TRIM66: variants seen among roughly 807,000 people sequenced by gnomAD.
TRIM66 encodes the protein tripartite motif containing 66, also known as tripartite motif-containing protein 66.
A neutral mutation model predicts 148.2 loss-of-function variants in TRIM66; 99 were observed. That is an observed-to-expected ratio of 0.67 (90% confidence interval 0.57 to 0.79). The LOEUF is 0.79. TRIM66 is among the 30% of genes least tolerant of loss of function. TRIM66 has a pLI of 0.00. For missense variants in TRIM66, 1,666 were observed against 1,697.9 expected, an observed-to-expected ratio of 0.98 and a Z score of 0.33; for synonymous variants, 616 against 635.9, an observed-to-expected ratio of 0.97 and a Z score of 0.47.
intron 15 of TRIM66, among the ~76,000 whole-genome samples, chr11:8,628,402 C>T (rs985025465): frequency 1.3e-5 from 2 of 151,726 alleles, no homozygotes; most frequent in Non-Finnish European, 2.9e-5. Context: ...CGCTTGAGCC[C>T]AAGAGTTCAA....
Position 8,621,166 on chromosome 11 carries a change from C to T in TRIM66, c.3411G>A (p.Lys1137=). Residue 1137 remains lysine (K), a synonymous_variant, in exon 20 of 25, where the codon AAG becomes AAA. Transcript: ENST00000646038. The stretch of plus-strand genomic sequence containing the variant: ...CATTCTCTATTGGGGCTGGGGGGCC[C>T]TTCTTGGCTCCTGGGGTTCGAGGAA... The part of the protein sequence containing the change: ...RLIPRTPGAK[K]GPPAPIENED... The T allele has an allele frequency of 6.4e-7, 1 of 1,551,672 alleles. No individual in the cohort carries two copies. Among genetic ancestry groups the T allele is most frequent in the African/African-American group, 1.4e-5 (1 of 73,156 alleles).
intron 6 of TRIM66, among the ~76,000 whole-genome samples, chr11:8,667,758 G>C (rs1404468189): frequency 1.3e-5 from 2 of 152,142 alleles, no homozygotes; most frequent in Admixed American, 1.3e-4. Flanking sequence ...TCCTTATTAA[G>C]GCTGAATAAT....
intron 1 of TRIM66, among the ~76,000 whole-genome samples, chr11:8,681,580 A>AT (rs2039427736): frequency 6.6e-6 from 1 of 152,176 alleles, no homozygotes; most frequent in Non-Finnish European, 1.5e-5. Context: ...CATGGGATCT[A>AT]TTAATAGACT....
chr11:8,658,700 C>A (rs994971338), intron 6 of TRIM66: 1 of 907,394 alleles, frequency 1.1e-6, no homozygotes, highest in African/African-American at 1.8e-5. Flanking sequence ...CAGCCCCACA[C>A]TGCTGCAGCA....
chr11:8,633,336 T>G (rs1037846016), intron 15 of TRIM66, among the ~76,000 whole-genome samples: 5 of 151,938 alleles, frequency 3.3e-5, no homozygotes, highest in African/African-American at 4.8e-5. Context: ...AAAAAAAAAT[T>G]ATTTTGAATA....
chr11:8,682,833 T>C (rs1260727399), upstream of TRIM66: 2 of 1,610,790 alleles, frequency 1.2e-6, no homozygotes, highest in Admixed American at 1.7e-5. Flanking sequence ...GTTTCGTTTC[T>C]TGCCTCCTCT....
intron 23 of TRIM66, 71 bp downstream of exon 23, chr11:8,619,312 C>G: frequency 7.2e-7 from 1 of 1,380,046 alleles, no homozygotes; most frequent in Non-Finnish European, 9.6e-7. Context: ...CCTAACCTCC[C>G]AACCCTACCC....
At chr11:8,632,255 C>G (rs892832946) in intron 15 of TRIM66, among the ~76,000 whole-genome samples, 8 of 151,896 alleles carry the variant, frequency 5.3e-5, no homozygotes, top group Non-Finnish European at 1.2e-4. Flanking sequence ...TTGCAGTGAG[C>G]TGAGATCATG....
chr11:8,683,192 T>A (rs1345482283), upstream of TRIM66: 1 of 1,614,146 alleles, frequency 6.2e-7, no homozygotes, highest in South Asian at 1.1e-5. Flanking sequence ...ACCAAGCTTT[T>A]TCCACACAGC....
At chr11:8,639,505 T>C (rs1215978496) in intron 14 of TRIM66, among the ~76,000 whole-genome samples, 1 of 152,090 alleles carries the variant, frequency 6.6e-6, no homozygotes, top group Non-Finnish European at 1.5e-5. Context: ...CCATCCAATA[T>C]CCTCCTGTGG....
In TRIM66 at chr11:8,618,739, T is replaced by TA. The variant is rs1203660308; in HGVS notation, c.4119+10dup. The TA allele has an allele frequency of 1.3e-6, 2 of 1,548,304 alleles. No individual in the cohort carries two copies. Among genetic ancestry groups the TA allele is most frequent in the Non-Finnish European group, 8.7e-7 (1 of 1,146,384 alleles). On this transcript the variant is annotated intron_variant, in intron 24 of 24. Transcript: ENST00000646038. ...CCGCCCACCTGCTGCTGGCTGGCAG[T>TA]AACTCTTTACCATATGTCGTCGCCG...
In TRIM66 at chr11:8,665,957, A is replaced by G. The variant is rs544694342; in HGVS notation, c.340+5829T>C. 3.9e-5 allele frequency among the ~76,000 whole-genome samples: 6 copies of G among 152,168 alleles called. No homozygotes were observed. The South Asian group carries it at 1.0e-3, about 26-fold the overall frequency. On this transcript the variant is annotated intron_variant, in intron 6 of 24. Transcript: ENST00000646038. ...GAGTGAGACTCCATCTCAAAAAATAAAAAAAGAGGAAGTTTATTCAACTTT... is the reference window on the plus strand; with the variant it reads ...GAGTGAGACTCCATCTCAAAAAATAGAAAAAGAGGAAGTTTATTCAACTTT...
intron 3 of TRIM66, among the ~76,000 whole-genome samples, chr11:8,678,412 T>C (rs2039277879): frequency 6.6e-6 from 1 of 152,226 alleles, no homozygotes. Flanking sequence ...ACAAAAGGAT[T>C]TGTATACTAT....
At chr11:8,677,634 A>C (rs2039239123) in intron 3 of TRIM66, among the ~76,000 whole-genome samples, 2 of 152,174 alleles carry the variant, frequency 1.3e-5, no homozygotes, top group Admixed American at 1.3e-4. Flanking sequence ...CAAAAAAAAC[A>C]GAACTAGGAA....
rs1185605334 is a variant in TRIM66 at position 8,651,847 on chromosome 11, G to A, written c.397C>T (p.His133Tyr). The A allele has an allele frequency of 1.9e-6, 3 of 1,551,718 alleles. No homozygotes were observed. The highest frequency in any genetic ancestry group is 2.0e-5 in the Admixed American group (1 of 51,006). Residue 133 changes from histidine to tyrosine, a missense_variant, in exon 7 of 25, where the codon CAT (histidine) becomes TAT (tyrosine). His to Tyr is a moderately conservative substitution (Grantham distance 83, BLOSUM62 2). Around this residue, in one of 3 missense-constraint regions of TRIM66, gnomAD observed 1,431 missense variants for 1,412.4 expected, o/e 1.01. Transcript: ENST00000646038. Reference sequence around the variant, plus strand: ...GTAGGAACACAATGCAGAAAAAAATGTTCAGTTACATCCCTGGTAAGATAT... The same window carrying A: ...GTAGGAACACAATGCAGAAAAAAATATTCAGTTACATCCCTGGTAAGATAT... ...RVYLTRDVTEHFFLHCVPTEQ... is the reference protein window; with the variant it reads ...RVYLTRDVTEYFFLHCVPTEQ...
chr11:8,680,149 A>T (rs1337405778), intron 1 of TRIM66, 86 bp from the exon 2 acceptor site: 1 of 152,360 alleles, frequency 6.6e-6, no homozygotes, highest in Admixed American at 6.5e-5. Flanking sequence ...GCACTCCGGG[A>T]TGGGAAACAG....
chr11:8,619,871 C>T (rs2141816210), intron 22 of TRIM66, among the ~76,000 whole-genome samples, 179 bp downstream of exon 22: 1 of 152,366 alleles, frequency 6.6e-6, no homozygotes, highest in Non-Finnish European at 1.5e-5. Context: ...CTGGGAACCA[C>T]CACGCTCCTG....
intron 3 of TRIM66, among the ~76,000 whole-genome samples, chr11:8,677,123 A>G (rs2039213281): frequency 6.6e-6 from 1 of 152,238 alleles, no homozygotes; most frequent in Admixed American, 6.5e-5. Context: ...TAAGAATTTC[A>G]AAGATTGTTT....
At chr11:8,662,564 A>C (rs966961340) in intron 6 of TRIM66, among the ~76,000 whole-genome samples, 1 of 152,212 alleles carries the variant, frequency 6.6e-6, no homozygotes. Context: ...GAAAGCCAGA[A>C]AGGGCTTAGA....
Sources: gnomAD v4.1 joint callset for allele counts (sites outside exome capture counted in the v4.1 genomes callset) on GRCh38, gnomAD v4.1.1 for gene constraint, gnomAD v4.1.1 regional missense constraint, MANE v1.5 for transcripts, NCBI Gene and HGNC (gene_info 2026-07-23, HGNC 2026-07-21) for gene names.